BMP8B: variants seen among roughly 807,000 people sequenced by gnomAD.
BMP8B encodes bone morphogenetic protein 8 (osteogenic protein 2).
A neutral mutation model predicts 30.3 loss-of-function variants in BMP8B; 17 were observed. That is an observed-to-expected ratio of 0.56 (90% CI 0.38 to 0.84). The LOEUF is 0.84. Ranked by LOEUF, BMP8B falls within the 40% of genes least tolerant of loss-of-function variation. BMP8B has a pLI of 0.00. For synonymous variants in BMP8B, 131 were observed against 214.7 expected (o/e 0.61, Z 3.41); for missense variants, 253 against 494.6 (o/e 0.51, Z 4.63).
chr1:39,758,155 T>C lies in BMP8B; in HGVS notation c.*2264A>G, dbSNP rs997032311. ...GTCAAAATAACTGGCTAATTTAAAA[T>C]TTACAATTGCCTAGAAGACCATCTT... On this transcript the variant is annotated 3_prime_UTR_variant, in exon 7 of 7. Transcript: ENST00000372827. 1.3e-5 allele frequency: 2 copies of C among 152,210 alleles called. No individual in the cohort carries two copies. Among genetic ancestry groups the C allele is most frequent in the African/African-American group, 4.8e-5 (2 of 41,446 alleles). The allele number at this position is 152,210 out of a possible 1,614,324, so 9.4% of individuals were successfully genotyped here.
Position 39,788,072 on chromosome 1 carries a change from C to A in BMP8B, c.334+80G>T, listed in dbSNP as rs775730760. The A allele has an allele frequency of 7.8e-6, 11 of 1,402,934 alleles. No individual in the cohort carries two copies. The South Asian group carries it at 1.5e-4, about 19-fold the overall frequency. 86.9% of individuals were successfully genotyped at this position (1,402,934 alleles called of 1,614,324 possible). A position where few individuals can be genotyped will look rare whatever the true frequency, so the allele number is the denominator to read the frequency against. On this transcript the variant is annotated intron_variant, in intron 1 of 6. Transcript: ENST00000372827. The surrounding 1 kb of genome is among the most constrained non-coding windows in gnomAD (Gnocchi z 5.8). ...TCTGTGACTCCCCGTTCGGCCAGGG[C>A]CCGGCACAGCCCGCGGATGCGCGCC...
intron 3 of BMP8B, chr1:39,771,195 C>G (rs1183036276): frequency 1.2e-5 from 18 of 1,536,722 alleles, no homozygotes; most frequent in Non-Finnish European, 1.5e-5. Context: ...AGCGCGAGCC[C>G]TGAGCCGCCG....
chr1:39,780,141 G>A (rs1334398682), intron 1 of BMP8B, among the ~76,000 whole-genome samples: 1 of 152,212 alleles, frequency 6.6e-6, no homozygotes, highest in African/African-American at 2.4e-5. Context: ...CACCACTAGT[G>A]TCATATTCTA....
At chr1:39,778,869 C>G (rs1244150610) in intron 1 of BMP8B, among the ~76,000 whole-genome samples, 1 of 152,188 alleles carries the variant, frequency 6.6e-6, no homozygotes. Context: ...GGGCTGGGTG[C>G]ACCTCCCCAC....
intron 6 of BMP8B, among the ~76,000 whole-genome samples, chr1:39,761,034 T>C (rs1648890851): frequency 6.6e-6 from 1 of 151,708 alleles, no homozygotes; most frequent in Non-Finnish European, 1.5e-5. Context: ...CCTCCGCCCC[T>C]CTCCTGTGCT....
At chr1:39,760,774 G>A (rs1006003153) in intron 6 of BMP8B, among the ~76,000 whole-genome samples, 1 of 152,158 alleles carries the variant, frequency 6.6e-6, no homozygotes, top group Admixed American at 6.5e-5. Context: ...CAGTGCCCAG[G>A]GAGGGACACA....
At chr1:39,777,893 G>A (rs545104326) in intron 1 of BMP8B, among the ~76,000 whole-genome samples, 3 of 152,160 alleles carry the variant, frequency 2.0e-5, no homozygotes, top group Non-Finnish European at 4.4e-5. Flanking sequence ...TGCTCTCCCC[G>A]GGTGGCCCCG....
At chr1:39,770,101 C>A (rs1175906064) in intron 3 of BMP8B, 1 of 1,222,360 alleles carries the variant, frequency 8.2e-7, no homozygotes, top group Non-Finnish European at 1.1e-6. Flanking sequence ...CCCCTCGGAT[C>A]ATGGCGAAGG....
rs1648712574 is a variant in BMP8B at position 39,759,965 on chromosome 1, C to T, written c.*454G>A. On this transcript the variant is annotated 3_prime_UTR_variant, in exon 7 of 7. Coordinates refer to ENST00000372827, the MANE Select transcript of BMP8B (RefSeq NM_001720.5). ...GCACCTCGGGCAGGCAATGGGGAGC[C>T]AACCAGACCCTGACTACACACACCA... The T allele has an allele frequency of 5.7e-6, 1 of 175,188 alleles. No homozygotes were observed. The highest frequency in any genetic ancestry group is 1.2e-5 in the Non-Finnish European group (1 of 82,266). 10.9% of individuals were successfully genotyped at this position (175,188 alleles called of 1,614,324 possible).
chr1:39,776,788 T>C (rs1178152212), intron 1 of BMP8B, among the ~76,000 whole-genome samples: 1 of 152,218 alleles, frequency 6.6e-6, no homozygotes, highest in Non-Finnish European at 1.5e-5. Context: ...CATGTTTAAT[T>C]TAGAAATAAA....
At chr1:39,780,422 C>A (rs766196648) in intron 1 of BMP8B, among the ~76,000 whole-genome samples, 24 of 152,226 alleles carry the variant, frequency 1.6e-4, no homozygotes, top group Non-Finnish European at 2.9e-4. Context: ...AATCCACGAC[C>A]TCTCCAAGCT....
At position 39,781,604 on chromosome 1, in the gene BMP8B, G is replaced by A. The variant is rs112757752; in HGVS notation, c.334+6548C>T. Among the ~76,000 whole-genome samples the A allele has an allele frequency of 1.6e-4, 24 of 152,278 alleles. 1 individual carries two copies. The highest frequency in any genetic ancestry group is 5.3e-4 in the African/African-American group (22 of 41,560). ...CTCTCTGGGCAACAGACACTGGGTC[G>A]GAAAGTTTACTGGGAAAACTGGAAA... On this transcript the variant is annotated intron_variant, in intron 1 of 6. Coordinates refer to ENST00000372827, the MANE Select transcript of BMP8B (RefSeq NM_001720.5).
At chr1:39,786,615 G>A (rs1468474045) in intron 1 of BMP8B, among the ~76,000 whole-genome samples, 2 of 152,140 alleles carry the variant, frequency 1.3e-5, no homozygotes. Flanking sequence ...GCGGCTCCCT[G>A]GGGACATTCT....
At chr1:39,779,718 T>C (rs1314654405) in intron 1 of BMP8B, among the ~76,000 whole-genome samples, 1 of 152,208 alleles carries the variant, frequency 6.6e-6, no homozygotes, top group Non-Finnish European at 1.5e-5. Flanking sequence ...GTCACACTTT[T>C]TAAGCACTGA....
intron 5 of BMP8B, among the ~76,000 whole-genome samples, 176 bp from the exon 6 acceptor site, chr1:39,763,378 CTT>C (rs1008395666): frequency 2.1e-5 from 3 of 145,878 alleles, no homozygotes; most frequent in East Asian, 2.0e-4. Context: ...CATATCTTCA[CTT>C]TGCGTCCCCT....
At position 39,788,423 on chromosome 1, in the gene BMP8B, G is replaced by A. The variant is rs1014403849; in HGVS notation, c.63C>T (p.Gly21=). 8.6e-4 allele frequency: 901 copies of A among 1,043,322 alleles called. 10 individuals are homozygous for A. In the African/African-American group the frequency reaches 0.015, roughly 17 times the overall value. 64.6% of individuals were successfully genotyped at this position (1,043,322 alleles called of 1,614,324 possible). The change falls in exon 1 of 7, where the codon GGC becomes GGT. Residue 21 remains glycine, a synonymous_variant. Transcript: ENST00000372827. The surrounding 1 kb of genome is among the most constrained non-coding windows in gnomAD (Gnocchi z 5.8). ...CGGGCGGGGGTCGCAGGCCGGGGCC[G>A]CCCCCGCCCAGCGCGCATAGCGCCA... ...LGLALCALGG[G]GPGLRPPPGC...
chr1:39,779,262 G>A (rs559913189), intron 1 of BMP8B, among the ~76,000 whole-genome samples: 2 of 152,164 alleles, frequency 1.3e-5, no homozygotes, highest in African/African-American at 2.4e-5. Context: ...TTGTCGGCCC[G>A]CACACAGACA....
Position 39,766,656 on chromosome 1 carries a change from C to T in BMP8B, c.674-1839G>A, listed in dbSNP as rs566975948. On this transcript the variant is annotated intron_variant, in intron 3 of 6. Coordinates refer to ENST00000372827, the MANE Select transcript of BMP8B (RefSeq NM_001720.5). The stretch of plus-strand genomic sequence containing the variant: ...TGCACTGGCAGGAGAGGCTCCCTCC[C>T]TCTCACGAGCATGGACAAGAGCTGC... Among the ~76,000 whole-genome samples the T allele has an allele frequency of 6.3e-5, 9 of 141,948 alleles. No individual in the cohort carries two copies. In the East Asian group the frequency reaches 7.9e-4, roughly 12 times the overall value. 93.1% of individuals were successfully genotyped at this position (141,948 alleles called of 152,430 possible). A position where few individuals can be genotyped will look rare whatever the true frequency, so the allele number is the denominator to read the frequency against.
At chr1:39,775,855 G>A (rs945738934) in intron 1 of BMP8B, among the ~76,000 whole-genome samples, 1 of 152,110 alleles carries the variant, frequency 6.6e-6, no homozygotes, top group African/African-American at 2.4e-5. Context: ...GTCTCACTGG[G>A]TGATGGGATC....
Sources: allele counts gnomAD v4.1 joint callset (sites outside exome capture counted in the v4.1 genomes callset), GRCh38; gene constraint gnomAD v4.1.1; non-coding constraint Gnocchi (gnomAD v3.1); transcripts MANE v1.5; gene names NCBI Gene and HGNC (gene_info 2026-07-23, HGNC 2026-07-21).